The following TGM4 variants were observed in gnomAD, a reference collection of about 807,000 sequenced individuals.
TGM4 encodes transglutaminase 4.
A neutral mutation model predicts 76.3 loss-of-function variants in TGM4; 61 were observed. The ratio of observed to expected loss-of-function variants is 0.80; its 90% CI spans 0.65 to 0.99. TGM4 has a LOEUF of 0.99. TGM4 is among the 50% of genes least tolerant of loss of function. TGM4 has a pLI of 0.00. For synonymous variants in TGM4, 337 were observed against 329.8 expected, an observed-to-expected ratio of 1.02 and a Z score of -0.24; for missense variants, 794 against 843.2, an observed-to-expected ratio of 0.94 and a Z score of 0.72.
chr3:44,886,554 G>T (rs898165757), intron 2 of TGM4, among the ~76,000 whole-genome samples: 1 of 152,168 alleles, frequency 6.6e-6, no homozygotes, highest in Non-Finnish European at 1.5e-5. Context: ...CCTGCTCAAC[G>T]CATGGACTGG....
intron 2 of TGM4, among the ~76,000 whole-genome samples, chr3:44,886,278 T>G (rs1001922089): frequency 2.0e-5 from 3 of 151,830 alleles, no homozygotes; most frequent in Admixed American, 2.0e-4. Flanking sequence ...GAGGTGGAGG[T>G]TGCAGGGAGG....
At position 44,907,190 on chromosome 3, in the gene TGM4, G is replaced by T; in HGVS notation, c.1317G>T (p.Lys439Asn). The change falls in exon 10 of 14, where the codon AAG becomes AAT. Residue 439 changes from lysine (K) to asparagine (N), a missense_variant. Transcript: ENST00000296125. The part of the protein sequence containing the change: ...DRRRDITYEY[K>N]YPEGSSEERQ... ...GGAGAGATATCACCTATGAGTACAAGTATCCAGAAGGTGCTAGCATCACAG... is the reference window on the plus strand; with the variant it reads ...GGAGAGATATCACCTATGAGTACAATTATCCAGAAGGTGCTAGCATCACAG... 1 of 1,613,330 alleles carries T rather than the reference G, an allele frequency of 6.2e-7. No homozygotes were observed. Among genetic ancestry groups the T allele is most frequent in the African/African-American group, 1.3e-5 (1 of 74,798 alleles).
At chr3:44,886,401 G>A (rs776718331) in intron 2 of TGM4, among the ~76,000 whole-genome samples, 8 of 152,184 alleles carry the variant, frequency 5.3e-5, no homozygotes, top group Non-Finnish European at 1.0e-4. Flanking sequence ...CACTTCCTGG[G>A]AGAGCGCTCC....
intron 1 of TGM4, among the ~76,000 whole-genome samples, chr3:44,879,752 A>T (rs2125746659): frequency 6.6e-6 from 1 of 152,206 alleles, no homozygotes; most frequent in East Asian, 1.9e-4. Context: ...TGCTGGGATT[A>T]CAGGCATGAG....
chr3:44,887,614 G>A (rs1699625900), intron 2 of TGM4, 75 bp from the exon 3 acceptor site: 2 of 1,392,494 alleles, frequency 1.4e-6, no homozygotes, highest in South Asian at 1.3e-5. Context: ...TGGGCAGTAG[G>A]TGGGCCCGAA....
intron 3 of TGM4, chr3:44,890,206 G>A (rs1026403476): frequency 3.0e-5 from 5 of 168,638 alleles, no homozygotes; most frequent in Middle Eastern, 2.7e-3. Flanking sequence ...AATACGAGAC[G>A]AGATTCGAGT....
chr3:44,875,919 G>T (rs1480753329), intron 1 of TGM4, among the ~76,000 whole-genome samples: 3 of 152,206 alleles, frequency 2.0e-5, no homozygotes, highest in Non-Finnish European at 4.4e-5. Flanking sequence ...ACTGAGAAAG[G>T]GTGGTGTGGT....
Position 44,893,653 on chromosome 3 carries a change from G to C in TGM4, c.507G>C (p.Gly169=). The change falls in exon 5 of 14, where the codon GGG becomes GGC. Residue 169 remains glycine (G), a synonymous_variant. Coordinates refer to ENST00000296125, the MANE Select transcript of TGM4 (RefSeq NM_003241.4). ...ILNDTGCHYV[G]AARSIKCKPW... ...ATGACACGGGCTGCCATTACGTGGG[G>C]GCTGCCAGAAGTATCAAATGCAAAC... The C allele has an allele frequency of 6.2e-7, 1 of 1,613,882 alleles. No individual in the cohort carries two copies.
chr3:44,882,057 C>CTTT (rs60542332), intron 1 of TGM4, among the ~76,000 whole-genome samples: 9,870 of 104,516 alleles, frequency 0.094, 771 homozygotes, highest in African/African-American at 0.11. Context: ...AATACAAACG[C>CTTT]TTTTTTTTTT....
chr3:44,903,912 A>T lies in TGM4; in HGVS notation c.1000A>T (p.Met334Leu). 1.2e-6 allele frequency: 2 copies of T among 1,614,122 alleles called. No individual in the cohort carries two copies. Among genetic ancestry groups the T allele is most frequent in the Non-Finnish European group, 1.7e-6 (2 of 1,180,032 alleles). Residue 334 changes from methionine to leucine, a missense_variant, in exon 9 of 14, where the codon ATG becomes TTG. Met to Leu is a conservative substitution (Grantham distance 15). Coordinates refer to ENST00000296125, the MANE Select transcript of TGM4 (RefSeq NM_003241.4). ...TTTCCATGTGTGGACGGATGCCTGGATGAAGCGACCGGATCTGCCCAAGGG... is the reference window on the plus strand; with the variant it reads ...TTTCCATGTGTGGACGGATGCCTGGTTGAAGCGACCGGATCTGCCCAAGGG... ...WNFHVWTDAW[M>L]KRPDLPKGYD...
chr3:44,884,789 T>G (rs1193859390), intron 1 of TGM4, among the ~76,000 whole-genome samples: 1 of 152,198 alleles, frequency 6.6e-6, no homozygotes. Context: ...GGATGGTGTC[T>G]GACTTGAAGC....
At chr3:44,880,351 G>A (rs952040909) in intron 1 of TGM4, among the ~76,000 whole-genome samples, 1 of 152,202 alleles carries the variant, frequency 6.6e-6, no homozygotes. Context: ...ATGAGCCAAG[G>A]ACAACTGTTT....
intron 6 of TGM4, among the ~76,000 whole-genome samples, chr3:44,899,958 C>T (rs556185858): frequency 1.3e-3 from 194 of 152,286 alleles, no homozygotes; most frequent in African/African-American, 4.5e-3. Context: ...ACAGCCATCA[C>T]TTTTGCTGCA....
chr3:44,882,471 A>G (rs1699547475), intron 1 of TGM4, among the ~76,000 whole-genome samples: 1 of 152,238 alleles, frequency 6.6e-6, no homozygotes, highest in African/African-American at 2.4e-5. Context: ...TCTGGAAGAT[A>G]GACATCCAAA....
At chr3:44,907,342 G>C in intron 10 of TGM4, 142 bp downstream of exon 10, 1 of 1,099,352 alleles carries the variant, frequency 9.1e-7, no homozygotes, top group Non-Finnish European at 1.3e-6. Context: ...AATTAGCTGG[G>C]TGTGGTGGCA....
chr3:44,902,093 A>G (rs570407410), intron 8 of TGM4, among the ~76,000 whole-genome samples, 162 bp downstream of exon 8: 2 of 152,260 alleles, frequency 1.3e-5, no homozygotes, highest in South Asian at 4.1e-4. Flanking sequence ...TTCCAGGTGC[A>G]AGCCACCATG....
intron 3 of TGM4, among the ~76,000 whole-genome samples, chr3:44,889,604 A>G (rs1181473668): frequency 1.3e-5 from 2 of 152,244 alleles, no homozygotes; most frequent in African/African-American, 4.8e-5. Context: ...ACCTTGGACC[A>G]CAAATGGAAG....
intron 1 of TGM4, among the ~76,000 whole-genome samples, chr3:44,875,858 A>G (rs1699445426): frequency 6.6e-6 from 1 of 152,164 alleles, no homozygotes; most frequent in African/African-American, 2.4e-5. Flanking sequence ...TCCTCCTTAG[A>G]TGGCTGACGC....
intron 8 of TGM4, 22 bp from the exon 9 acceptor site, chr3:44,903,862 G>T (rs1699886083): frequency 1.2e-6 from 2 of 1,611,878 alleles, no homozygotes; most frequent in African/African-American, 1.3e-5. Flanking sequence ...CCGGGGTGGG[G>T]CCCGTTCCCA....
Sources: allele counts gnomAD v4.1 joint callset (sites outside exome capture counted in the v4.1 genomes callset), GRCh38; gene constraint gnomAD v4.1.1; transcripts MANE v1.5; gene names NCBI Gene and HGNC (gene_info 2026-07-23, HGNC 2026-07-21).